The following OTUD4 variants were observed in gnomAD, a reference collection of about 807,000 sequenced individuals.
OTUD4 encodes the protein OTU deubiquitinase 4.
Under a neutral mutation model 130.4 loss-of-function variants are expected in OTUD4, and 24 were observed. The observed-to-expected ratio is 0.18, with a 90% CI of 0.13 to 0.26. OTUD4 has a LOEUF of 0.26. OTUD4 is among the 10% of genes least tolerant of loss of function. OTUD4 has a pLI of 1.00. For synonymous variants in OTUD4, 420 were observed against 472.5 expected (o/e 0.89, Z 1.44); for missense variants, 1,031 against 1,329.4 (o/e 0.78, Z 3.49).
chr4:145,152,849 T>C (rs964208171), intron 10 of OTUD4, among the ~76,000 whole-genome samples: 1 of 151,832 alleles, frequency 6.6e-6, no homozygotes, highest in Non-Finnish European at 1.5e-5. Context: ...GCCTCCCAAG[T>C]AGCTGGGATC....
chr4:145,151,350 C>T (rs36226294), intron 11 of OTUD4, among the ~76,000 whole-genome samples: 6,159 of 152,030 alleles, frequency 0.041, 173 homozygotes, highest in Non-Finnish European at 0.059. Flanking sequence ...GAAAATATTG[C>T]CAAGGCCAGG....
In OTUD4 at chr4:145,138,031, G is replaced by A; in HGVS notation, c.2744C>T (p.Ala915Val). The change falls in exon 21 of 21, where the codon GCC becomes GTC. Residue 915 changes from alanine to valine, a missense_variant. By Grantham distance (64) the Ala-to-Val change is moderately conservative. This residue lies in a region of OTUD4 where 900 missense variants were observed against 1,095.9 expected (regional missense o/e 0.82). Coordinates refer to ENST00000447906, the MANE Select transcript of OTUD4 (RefSeq NM_001366057.1). ...GAGAGAATGTACATGTTCACCCCTG[G>A]CTTCTGGAAACTCATCTACTGTTGA... Reference protein sequence around the residue: ...SVSTVDEFPEARGEHVHSLPE... With the variant: ...SVSTVDEFPEVRGEHVHSLPE... 1 of 1,614,156 alleles carries A rather than the reference G, an allele frequency of 6.2e-7. No homozygotes were observed. The highest frequency in any genetic ancestry group is 8.5e-7 in the Non-Finnish European group (1 of 1,180,024).
At chr4:145,146,512 A>T in intron 13 of OTUD4, 83 bp from the exon 14 acceptor site, 1 of 913,488 alleles carries the variant, frequency 1.1e-6, no homozygotes. Context: ...AAAAAAAAAA[A>T]ACACAAAACT....
At chr4:145,179,606 TAATTTGCGGGCTTTCGAGTTTC>T in intron 1 of OTUD4, 187 bp downstream of exon 1, 2 of 1,384,170 alleles carry the variant, frequency 1.4e-6, no homozygotes, top group Non-Finnish European at 1.9e-6. Context: ...GACACCCCGT[TAATTTGCGGGCTTTCGAGTTTC>T]AATTTGCACC....
At chr4:145,177,538 T>A (rs182002656) in intron 1 of OTUD4, among the ~76,000 whole-genome samples, 30 of 152,326 alleles carry the variant, frequency 2.0e-4, no homozygotes, top group African/African-American at 7.2e-4. Context: ...CAAATTAATA[T>A]ATACATGAAA....
At chr4:145,164,711 T>C (rs536839971) in intron 4 of OTUD4, among the ~76,000 whole-genome samples, 1 of 152,208 alleles carries the variant, frequency 6.6e-6, no homozygotes, top group East Asian at 1.9e-4. Flanking sequence ...AAATTAGGGA[T>C]GCTCAACTGG....
chr4:145,144,078 T>C (rs922116685), intron 15 of OTUD4, 77 bp from the exon 16 acceptor site: 45 of 1,246,522 alleles, frequency 3.6e-5, no homozygotes, highest in Middle Eastern at 3.8e-4. Context: ...AATACGAAGA[T>C]AGAAGAAGCC....
intron 11 of OTUD4, among the ~76,000 whole-genome samples, chr4:145,152,279 A>C (rs1278047510): frequency 6.6e-6 from 1 of 151,972 alleles, no homozygotes; most frequent in Non-Finnish European, 1.5e-5. Flanking sequence ...TGTCCAGCTA[A>C]TTTTTATATT....
chr4:145,167,701 T>C (rs928531325), intron 3 of OTUD4, among the ~76,000 whole-genome samples: 1 of 151,942 alleles, frequency 6.6e-6, no homozygotes, highest in African/African-American at 2.4e-5. Context: ...TACTAAAAAA[T>C]ACAAAAATTG....
chr4:145,155,751 A>T, intron 8 of OTUD4, 65 bp from the exon 9 acceptor site: 1 of 1,148,176 alleles, frequency 8.7e-7, no homozygotes, highest in Non-Finnish European at 1.3e-6. Context: ...TTTGAGATAC[A>T]CGTAAAACTA....
chr4:145,171,438 G>A (rs1560999351), intron 3 of OTUD4: 2 of 400,962 alleles, frequency 5.0e-6, no homozygotes, highest in Non-Finnish European at 8.9e-6. Flanking sequence ...ACATTTACAT[G>A]CCATTATAGC....
intron 2 of OTUD4, 122 bp from the exon 3 acceptor site, chr4:145,171,842 TATTA>T (rs1394484490): frequency 7.6e-6 from 5 of 654,080 alleles, no homozygotes; most frequent in Non-Finnish European, 1.1e-5. Context: ...AATACCTCAG[TATTA>T]TTTAAAAATA....
chr4:145,158,962 CT>C, intron 7 of OTUD4, among the ~76,000 whole-genome samples: 1 of 152,304 alleles, frequency 6.6e-6, no homozygotes, highest in Admixed American at 6.5e-5. Flanking sequence ...TAAACACTAT[CT>C]TGTACGTCTT....
chr4:145,165,761 C>T lies in OTUD4; in HGVS notation c.295-564G>A, dbSNP rs145433596. On this transcript the variant is annotated intron_variant, in intron 3 of 20. Transcript: ENST00000447906. ...AAAGTGCTGGGATTACAAGCGTGAG[C>T]CACTGCGCCTGGCCCAAGTTGAGAA... Among the ~76,000 whole-genome samples, 669 of 152,224 alleles carry T rather than the reference C, an allele frequency of 4.4e-3. 3 individuals carry two copies. Among genetic ancestry groups the T allele is most frequent in the African/African-American group, 0.015 (615 of 41,548 alleles).
chr4:145,176,863 AG>A (rs942410321), intron 1 of OTUD4, among the ~76,000 whole-genome samples: 2 of 152,214 alleles, frequency 1.3e-5, no homozygotes, highest in Admixed American at 1.3e-4. Context: ...CTGGACGCCT[AG>A]TATGTCCTAT....
chr4:145,179,404 C>T (rs1021762763), intron 1 of OTUD4, among the ~76,000 whole-genome samples: 6 of 152,192 alleles, frequency 3.9e-5, no homozygotes, highest in Admixed American at 3.3e-4. Context: ...GTTTGATCCA[C>T]CACTTCTAGT....
chr4:145,138,474 G>A lies in OTUD4; in HGVS notation c.2301C>T (p.His767=). The change falls in exon 21 of 21, where the codon CAC becomes CAT. Residue 767 remains histidine (H), a synonymous_variant. Coordinates refer to ENST00000447906, the MANE Select transcript of OTUD4 (RefSeq NM_001366057.1). ...CACTGGCCTCAGTCTGCATAGGAAA[G>A]TGGGCATCAGTACAGGTACAATCAC... ...NESDCTCTDA[H]FPMQTEASVN... 6.2e-7 allele frequency: 1 copy of A among 1,614,150 alleles called. No homozygotes were observed. Among genetic ancestry groups the A allele is most frequent in the Non-Finnish European group, 8.5e-7 (1 of 1,179,986 alleles).
At chr4:145,175,126 A>C (rs1368576519) in intron 1 of OTUD4, among the ~76,000 whole-genome samples, 2 of 152,258 alleles carry the variant, frequency 1.3e-5, no homozygotes, top group Non-Finnish European at 2.9e-5. Flanking sequence ...CATATTGAAA[A>C]AGACAAACTG....
chr4:145,169,519 C>T (rs1266401957), intron 3 of OTUD4, among the ~76,000 whole-genome samples: 1 of 152,178 alleles, frequency 6.6e-6, no homozygotes, highest in Non-Finnish European at 1.5e-5. Flanking sequence ...GAGTCTCACC[C>T]TGTTGCCCAG....
Sources: gnomAD v4.1 joint callset for allele counts (sites outside exome capture counted in the v4.1 genomes callset) on GRCh38, gnomAD v4.1.1 for gene constraint, gnomAD v4.1.1 regional missense constraint, MANE v1.5 for transcripts, NCBI Gene and HGNC (gene_info 2026-07-23, HGNC 2026-07-21) for gene names.